VWCE: variants seen among roughly 807,000 people sequenced by gnomAD.
VWCE encodes von Willebrand factor C and EGF domains, also known as von Willebrand factor C and EGF domain-containing protein.
VWCE carries 68 observed loss-of-function variants against 102.9 expected under a neutral mutation model. The observed-to-expected ratio is 0.66, with a 90% CI of 0.54 to 0.81. VWCE has a LOEUF of 0.81. VWCE is among the 30% of genes least tolerant of loss of function. VWCE has a pLI of 0.00. For missense variants in VWCE, 1,137 were observed against 1,263.6 expected (o/e 0.90, Z 1.52); for synonymous variants, 497 against 515.4 (o/e 0.96, Z 0.48).
rs183617510 is a variant in VWCE at position 61,277,035 on chromosome 11, G to C, written c.1408-355C>G. Among the ~76,000 whole-genome samples, 340 of 112,236 alleles carry C rather than the reference G, an allele frequency of 3.0e-3. 4 individuals are homozygous for C. Among genetic ancestry groups the C allele is most frequent in the African/African-American group, 0.011 (303 of 28,276 alleles). 73.6% of individuals were successfully genotyped at this position (112,236 alleles called of 152,430 possible). ...GGAGGGAGGGAGGGAAGGAAGGAGA[G>C]AGGGAGGGAAGGAAGGGAGGGAGGG... On this transcript the variant is annotated intron_variant, in intron 10 of 19. Coordinates refer to ENST00000335613, the MANE Select transcript of VWCE (RefSeq NM_152718.2).
chr11:61,293,105 G>C (rs1237137578), intron 1 of VWCE, among the ~76,000 whole-genome samples: 3 of 152,006 alleles, frequency 2.0e-5, no homozygotes, highest in Non-Finnish European at 4.4e-5. Context: ...GCCGGGCATG[G>C]TGGCGCATGC....
At chr11:61,265,455 G>A (rs537638937) in intron 16 of VWCE, among the ~76,000 whole-genome samples, 4 of 152,288 alleles carry the variant, frequency 2.6e-5, no homozygotes, top group Admixed American at 2.0e-4. Flanking sequence ...GTTAACGGGT[G>A]CCTGTTGCAT....
chr11:61,293,888 G>C (rs749436067), intron 1 of VWCE, among the ~76,000 whole-genome samples: 5 of 152,076 alleles, frequency 3.3e-5, no homozygotes, highest in Non-Finnish European at 5.9e-5. Flanking sequence ...ACAGAAGAAA[G>C]GGGGGGCCCT....
Position 61,273,203 on chromosome 11 carries a change from C to T in VWCE, c.1695G>A (p.Ser565=), listed in dbSNP as rs746919810. ...GGCAGCCCTGGACCAGCTCACCTGT[C>T]GAGGGTGTGGGCTCCTGGCAGGTGA... ...CCFTCQEPTP[S]TGCSLDDNGV... Residue 565 remains serine (S), a synonymous_variant, in exon 13 of 20, where the codon TCG becomes TCA. Transcript: ENST00000335613. The T allele has an allele frequency of 1.2e-5, 20 of 1,613,936 alleles. No individual in the cohort carries two copies. The highest frequency in any genetic ancestry group is 1.7e-5 in the Admixed American group (1 of 60,014).
At chr11:61,275,591 T>C (rs1212829806) in intron 11 of VWCE, among the ~76,000 whole-genome samples, 4 of 152,218 alleles carry the variant, frequency 2.6e-5, no homozygotes, top group Non-Finnish European at 5.9e-5. Flanking sequence ...CATTACTTAA[T>C]GGTTGTGTGT....
rs1259683559 is a variant in VWCE at position 61,295,073 on chromosome 11, C to G, written c.-36G>C. 1 of 1,270,502 alleles carries G rather than the reference C, an allele frequency of 7.9e-7. No individual in the cohort carries two copies. The highest frequency in any genetic ancestry group is 4.2e-5 in the Admixed American group (1 of 23,984). The allele number at this position is 1,270,502 out of a possible 1,614,324, so 78.7% of individuals were successfully genotyped here. ...GGCGGGTCCCCCGGGCTGGGCTCGG[C>G]TCCTGCGCCGCGCGCGGGAGAGGGG... On this transcript the variant is annotated 5_prime_UTR_variant, in exon 1 of 20. Coordinates refer to ENST00000335613, the MANE Select transcript of VWCE (RefSeq NM_152718.2). The surrounding 1 kb of genome is among the most constrained non-coding windows in gnomAD (Gnocchi z 4.6).
chr11:61,259,455 C>G (rs1476988246), intron 19 of VWCE, 143 bp from the exon 20 acceptor site: 2 of 1,092,126 alleles, frequency 1.8e-6, no homozygotes, highest in African/African-American at 3.2e-5. Context: ...CAGCTCCTGC[C>G]TCCAGGAAGG....
At chr11:61,272,086 CAT>C (rs1242735934) in intron 13 of VWCE, among the ~76,000 whole-genome samples, 6 of 152,080 alleles carry the variant, frequency 3.9e-5, no homozygotes, top group Non-Finnish European at 7.4e-5. Context: ...TGTACATTTG[CAT>C]ACACACACAG....
At chr11:61,271,927 TCA>T (rs556405062) in intron 13 of VWCE, among the ~76,000 whole-genome samples, 167 bp from the exon 14 acceptor site, 128 of 152,006 alleles carry the variant, frequency 8.4e-4, no homozygotes, top group Middle Eastern at 3.4e-3. Context: ...CAGATACAAT[TCA>T]CACAGATACA....
At chr11:61,291,730 A>G (rs1855508069) in intron 1 of VWCE, among the ~76,000 whole-genome samples, 154 bp from the exon 2 acceptor site, 1 of 152,240 alleles carries the variant, frequency 6.6e-6, no homozygotes, top group Admixed American at 6.5e-5. Context: ...AAATGACCCA[A>G]ACAGTCTTCT....
chr11:61,271,891 C>T, intron 13 of VWCE, 131 bp from the exon 14 acceptor site: 1 of 747,548 alleles, frequency 1.3e-6, no homozygotes, highest in Non-Finnish European at 2.3e-6. Context: ...CAAACTTACA[C>T]ACACTCATAC....
At chr11:61,273,371 T>C in intron 12 of VWCE, 55 bp from the exon 13 acceptor site, 25 of 1,524,226 alleles carry the variant, frequency 1.6e-5, no homozygotes, top group Non-Finnish European at 2.2e-5. Context: ...CTGGGGACCA[T>C]GGAGAGCTAG....
Position 61,272,659 on chromosome 11 carries a change from C to T in VWCE, c.1699+540G>A, listed in dbSNP as rs573204632. 4.9e-4 allele frequency among the ~76,000 whole-genome samples: 74 copies of T among 152,108 alleles called. 1 individual carries two copies. In the South Asian group the frequency reaches 0.015, roughly 31 times the overall value. On this transcript the variant is annotated intron_variant, in intron 13 of 19. Coordinates refer to ENST00000335613, the MANE Select transcript of VWCE (RefSeq NM_152718.2). ...ACACACTCGTACACAGGCAAAGACA[C>T]ATGTACACAAATTTACACACATTCA...
chr11:61,264,387 C>T, intron 19 of VWCE, 100 bp downstream of exon 19: 1 of 1,246,226 alleles, frequency 8.0e-7, no homozygotes, highest in African/African-American at 1.5e-5. Context: ...CTGAACATGG[C>T]TTTCTCTTAT....
At chr11:61,272,561 CAGA>C (rs1290843274) in intron 13 of VWCE, among the ~76,000 whole-genome samples, 6 of 151,984 alleles carry the variant, frequency 3.9e-5, no homozygotes, top group Non-Finnish European at 8.8e-5. Flanking sequence ...CACACACACA[CAGA>C]AAACTATTCA....
intron 3 of VWCE, 130 bp from the exon 4 acceptor site, chr11:61,291,057 C>G: frequency 7.1e-7 from 1 of 1,412,934 alleles, no homozygotes; most frequent in Non-Finnish European, 9.4e-7. Context: ...TTAAATCCAG[C>G]TCTGCCATTT....
intron 5 of VWCE, 86 bp from the exon 6 acceptor site, chr11:61,282,991 T>C (rs1855190974): frequency 3.5e-6 from 4 of 1,145,698 alleles, no homozygotes; most frequent in African/African-American, 3.0e-5. Context: ...CTCATCTCCA[T>C]CTCCTATACA....
intron 6 of VWCE, 84 bp from the exon 7 acceptor site, chr11:61,281,998 G>A: frequency 6.5e-7 from 1 of 1,536,782 alleles, no homozygotes; most frequent in Non-Finnish European, 8.8e-7. Flanking sequence ...CAAAACACTT[G>A]GGGAGTTTCT....
intron 5 of VWCE, among the ~76,000 whole-genome samples, chr11:61,285,097 A>G (rs1201146130): frequency 2.6e-5 from 4 of 152,272 alleles, no homozygotes; most frequent in Middle Eastern, 3.4e-3. Context: ...TGCAGCCTCC[A>G]GAACTATGAG....
Sources: allele counts gnomAD v4.1 joint callset (sites outside exome capture counted in the v4.1 genomes callset), GRCh38; gene constraint gnomAD v4.1.1; non-coding constraint Gnocchi (gnomAD v3.1); transcripts MANE v1.5; gene names NCBI Gene and HGNC (gene_info 2026-07-23, HGNC 2026-07-21).